The following MAP4K2 variants were observed in gnomAD, a reference collection of about 807,000 sequenced individuals.
MAP4K2 encodes mitogen-activated protein kinase kinase kinase kinase 2.
Under a neutral mutation model 125.3 loss-of-function variants are expected in MAP4K2, and 85 were observed. The observed-to-expected ratio is 0.68, with a 90% confidence interval of 0.57 to 0.81. The LOEUF (loss-of-function observed/expected upper bound fraction) is 0.81. Among genes scored for constraint, MAP4K2 ranks in the 40% least tolerant of loss-of-function variants. The pLI is 0.00. For missense variants in MAP4K2, 923 were observed against 1,056.4 expected (o/e 0.87, Z 1.75); for synonymous variants, 479 against 445.1 (o/e 1.08, Z -0.96).
chr11:64,789,337 C>G lies in MAP4K2; in HGVS notation c.*200G>C. The G allele has an allele frequency of 1.7e-6, 1 of 586,748 alleles. No individual in the cohort carries two copies. Among genetic ancestry groups the G allele is most frequent in the Middle Eastern group, 4.6e-4 (1 of 2,170 alleles). The allele number at this position is 586,748 out of a possible 1,614,324, so 36.3% of individuals were successfully genotyped here. ...GGATGGGGGAGTGACAGCAGCTCCC[C>G]CTGGTCCAGTTATTGCAGAGGCGTC... On this transcript the variant is annotated 3_prime_UTR_variant, in exon 32 of 32. Coordinates refer to ENST00000294066, the MANE Select transcript of MAP4K2 (RefSeq NM_004579.5).
intron 5 of MAP4K2, 31 bp from the exon 6 acceptor site, chr11:64,801,788 C>G (rs1266011218): frequency 6.2e-7 from 1 of 1,609,304 alleles, no homozygotes; most frequent in Non-Finnish European, 8.5e-7. Flanking sequence ...CTGAGAGCAG[C>G]CACCCAGCAC....
At chr11:64,800,087 C>T in intron 12 of MAP4K2, 22 bp downstream of exon 12, 2 of 1,563,468 alleles carry the variant, frequency 1.3e-6, no homozygotes, top group Non-Finnish European at 1.7e-6. Flanking sequence ...CCAAGACTCA[C>T]TTTCCAGCCC....
At chr11:64,792,485 G>C in intron 24 of MAP4K2, 63 bp from the exon 25 acceptor site, 1 of 1,393,308 alleles carries the variant, frequency 7.2e-7, no homozygotes, top group East Asian at 2.5e-5. Context: ...CCCCTGCAGA[G>C]CCCTATGAGG....
Position 64,803,110 on chromosome 11 carries a change from C to T in MAP4K2, c.40G>A (p.Asp14Asn), listed in dbSNP as rs1196517387. The T allele has an allele frequency of 6.3e-7, 1 of 1,591,668 alleles. No homozygotes were observed. The highest frequency in any genetic ancestry group is 1.1e-5 in the South Asian group (1 of 89,946). ...LRDVSLQDPR[D>N]RFELLQRVGA... Reference sequence around the variant, plus strand: ...ACGCGCTGCAGCAGCTCGAAGCGGTCCCGCGGGTCCTGCAGCGACACATCC... The same window carrying T: ...ACGCGCTGCAGCAGCTCGAAGCGGTTCCGCGGGTCCTGCAGCGACACATCC... Residue 14 changes from aspartate (D) to asparagine (N), a missense_variant, in exon 1 of 32, where the codon GAC (aspartate) becomes AAC (asparagine). Around this residue, in one of 2 missense-constraint regions of MAP4K2, gnomAD observed 833 missense variants for 911.4 expected, o/e 0.91. Coordinates refer to ENST00000294066, the MANE Select transcript of MAP4K2 (RefSeq NM_004579.5).
chr11:64,799,976 T>C (rs1371097145), intron 12 of MAP4K2, 133 bp downstream of exon 12: 4 of 771,358 alleles, frequency 5.2e-6, no homozygotes, highest in Admixed American at 2.3e-5. Flanking sequence ...CAGAGACTCC[T>C]AATGGGAGGG....
rs756932984 is a variant in MAP4K2, at chr11:64,799,644, G to GC, written c.954dup (p.Gln319AlafsTer28). The GC allele has an allele frequency of 4.3e-6, 7 of 1,613,970 alleles. No homozygotes were observed. Among genetic ancestry groups the GC allele is most frequent in the African/African-American group, 1.3e-5 (1 of 75,064 alleles). On this transcript the variant is annotated frameshift_variant, in exon 13 of 32. Coordinates refer to ENST00000294066, the MANE Select transcript of MAP4K2 (RefSeq NM_004579.5). LOFTEE classifies it high-confidence loss of function. ...GGGGTCCTCTCGGCTGGGCCGTGCT[G>GC]CCCCCGGGAGTGAATGGTGTCTGGA...
At position 64,789,351 on chromosome 11, in the gene MAP4K2, T is replaced by C. The variant is rs1379833177; in HGVS notation, c.*186A>G. 3 of 599,422 alleles carry C rather than the reference T, an allele frequency of 5.0e-6. No homozygotes were observed. The highest frequency in any genetic ancestry group is 3.0e-5 in the Admixed American group (1 of 33,468). The allele number at this position is 599,422 out of a possible 1,614,324, so 37.1% of individuals were successfully genotyped here. The stretch of plus-strand genomic sequence containing the variant: ...CAGCAGCTCCCCCTGGTCCAGTTAT[T>C]GCAGAGGCGTCGGGGGCTCCCCTCC... On this transcript the variant is annotated 3_prime_UTR_variant, in exon 32 of 32. Coordinates refer to ENST00000294066, the MANE Select transcript of MAP4K2 (RefSeq NM_004579.5).
rs145971059 is a variant in MAP4K2 at position 64,790,238 on chromosome 11, G to C, written c.2198C>G (p.Thr733Arg). 2.9e-5 allele frequency: 47 copies of C among 1,614,084 alleles called. No individual in the cohort carries two copies. Among genetic ancestry groups the C allele is most frequent in the Non-Finnish European group, 4.0e-5 (47 of 1,180,030 alleles). The change falls in exon 29 of 32, where the codon ACG (threonine) becomes AGG (arginine). Residue 733 changes from threonine (T) to arginine (R), a missense_variant. By Grantham distance (71) the Thr-to-Arg change is moderately conservative (BLOSUM62 -1). Transcript: ENST00000294066. Reference sequence around the variant, plus strand: ...GGTCAGCTCAGGTGCCAGTGTGGCCGTGGGCTCGCCCTGCATGTTGACAAT... The same window carrying C: ...GGTCAGCTCAGGTGCCAGTGTGGCCCTGGGCTCGCCCTGCATGTTGACAAT... The part of the protein sequence containing the change: ...VRIVNMQGEP[T>R]ATLAPELTFD...
chr11:64,800,928 G>A lies in MAP4K2; in HGVS notation c.634C>T (p.Pro212Ser). The A allele has an allele frequency of 6.2e-7, 1 of 1,614,016 alleles. No homozygotes were observed. Among genetic ancestry groups the A allele is most frequent in the Non-Finnish European group, 8.5e-7 (1 of 1,179,998 alleles). Residue 212 changes from proline to serine, a missense_variant, in exon 9 of 32, where the codon CCC becomes TCC. Around this residue, in one of 2 missense-constraint regions of MAP4K2, gnomAD observed 833 missense variants for 911.4 expected, o/e 0.91. Transcript: ENST00000294066. Reference protein sequence around the residue: ...ITAIELGELQPPLFHLHPMRA... With the variant: ...ITAIELGELQSPLFHLHPMRA... ...ATGGGGTGCAGGTGGAACAGAGGGGGCTGCAGCTCGCCCAGCTCAATGGCA... is the reference window on the plus strand; with the variant it reads ...ATGGGGTGCAGGTGGAACAGAGGGGACTGCAGCTCGCCCAGCTCAATGGCA...
Position 64,797,649 on chromosome 11 carries a change from C to T in MAP4K2, c.1113G>A (p.Ser371=), listed in dbSNP as rs780903164. The change falls in exon 16 of 32, where the codon TCG becomes TCA. Residue 371 remains serine, a synonymous_variant. Transcript: ENST00000294066. ...KEELSGSLLQ[S]VQEALEERSL... ...ACCTTTCCTCCAGGGCCTCCTGGAC[C>T]GACTGCAGCAGGCTCCTGGGCAGTG... 1.1e-5 allele frequency: 17 copies of T among 1,576,434 alleles called. No individual in the cohort carries two copies. The highest frequency in any genetic ancestry group is 6.8e-5 in the African/African-American group (5 of 74,054).
chr11:64,787,981 G>C lies in MAP4K2; in HGVS notation c.*1556C>G, dbSNP rs929399033. On this transcript the variant is annotated 3_prime_UTR_variant, in exon 32 of 32. Transcript: ENST00000294066. ...TGGAAGGTGCCCCTCACCCTCCTTG[G>C]GGCTCACGGGAACATGGGTGTGAAT... 1.3e-5 allele frequency: 2 copies of C among 152,138 alleles called. No individual in the cohort carries two copies. Among genetic ancestry groups the C allele is most frequent in the African/African-American group, 2.4e-5 (1 of 41,412 alleles). The allele number at this position is 152,138 out of a possible 1,614,324, so 9.4% of individuals were successfully genotyped here.
intron 3 of MAP4K2, 33 bp from the exon 4 acceptor site, chr11:64,802,516 A>T: frequency 6.4e-7 from 1 of 1,567,072 alleles, no homozygotes; most frequent in African/African-American, 1.3e-5. Context: ...GGCACAAAGC[A>T]GGTCACATGG....
In MAP4K2 at chr11:64,789,889, C is replaced by T; in HGVS notation, c.2319G>A (p.Glu773=). 6.2e-7 allele frequency: 1 copy of T among 1,614,004 alleles called. No homozygotes were observed. The highest frequency in any genetic ancestry group is 1.3e-5 in the African/African-American group (1 of 75,034). Residue 773 remains glutamate (E), a splice_region_variant and synonymous_variant, in exon 30 of 32, where the codon GAG becomes GAA. Transcript: ENST00000294066. The part of the protein sequence containing the change: ...GMQGRSLDTN[E]VTQEITDETR... Reference sequence around the variant, plus strand: ...AGCAAGGTCCCTGGGCCCCACTCACCTCATTGGTATCCAGGCTTCGGCCTT... The same window carrying T: ...AGCAAGGTCCCTGGGCCCCACTCACTTCATTGGTATCCAGGCTTCGGCCTT...
intron 7 of MAP4K2, 129 bp downstream of exon 7, chr11:64,801,450 T>C (rs1941159449): frequency 4.5e-6 from 5 of 1,109,626 alleles, no homozygotes; most frequent in South Asian, 2.9e-5. Flanking sequence ...TACCGTTCCA[T>C]CTTCTAAGCA....
In MAP4K2 at chr11:64,800,881, G is replaced by C. The variant is rs771531075; in HGVS notation, c.662+19C>G. ...GGCCGCAGATCAAGGGTCAGGTGAG[G>C]GGCAAGTGTTGGGCTGACCTCATGG... On this transcript the variant is annotated intron_variant, in intron 9 of 31. Coordinates refer to ENST00000294066, the MANE Select transcript of MAP4K2 (RefSeq NM_004579.5). 2 of 1,613,984 alleles carry C rather than the reference G, an allele frequency of 1.2e-6. No homozygotes were observed. The highest frequency in any genetic ancestry group is 2.2e-5 in the East Asian group (1 of 44,878).
chr11:64,792,841 G>A (rs990845965), intron 24 of MAP4K2, among the ~76,000 whole-genome samples: 2 of 152,174 alleles, frequency 1.3e-5, no homozygotes, highest in Admixed American at 6.5e-5. Flanking sequence ...CTCACAGAGG[G>A]CCAGCTCCTA....
rs1036967156 is a variant in MAP4K2, at chr11:64,787,625, C to T, written c.*1912G>A. On this transcript the variant is annotated 3_prime_UTR_variant, in exon 32 of 32. Coordinates refer to ENST00000294066, the MANE Select transcript of MAP4K2 (RefSeq NM_004579.5). Reference sequence around the variant, plus strand: ...AGTGCATATTCCCTGGTTTCTCGGCCTTTCTTTGCTCTTGGCCTGCCTTTG... The same window carrying T: ...AGTGCATATTCCCTGGTTTCTCGGCTTTTCTTTGCTCTTGGCCTGCCTTTG... 6.6e-6 allele frequency: 1 copy of T among 152,154 alleles called. No individual in the cohort carries two copies. Among genetic ancestry groups the T allele is most frequent in the Non-Finnish European group, 1.5e-5 (1 of 68,036 alleles). The allele number at this position is 152,154 out of a possible 1,614,324, so 9.4% of individuals were successfully genotyped here.
chr11:64,796,593 C>G (rs575125674), intron 22 of MAP4K2, 40 bp from the exon 23 acceptor site: 2 of 1,613,982 alleles, frequency 1.2e-6, no homozygotes, highest in South Asian at 2.2e-5. Flanking sequence ...CACCCCAGGC[C>G]CCCACAAGGC....
rs1016480212 is a variant in MAP4K2, at chr11:64,788,454, T to C, written c.*1083A>G. The stretch of plus-strand genomic sequence containing the variant: ...CCCTGGGGGCCCTGGCATTCAGAGC[T>C]GAGCAGACAGACCCTTGGAGAATGA... On this transcript the variant is annotated 3_prime_UTR_variant, in exon 32 of 32. Coordinates refer to ENST00000294066, the MANE Select transcript of MAP4K2 (RefSeq NM_004579.5). 6.6e-6 allele frequency: 1 copy of C among 152,214 alleles called. No homozygotes were observed. Among genetic ancestry groups the C allele is most frequent in the Non-Finnish European group, 1.5e-5 (1 of 68,100 alleles). The allele number at this position is 152,214 out of a possible 1,614,324, so 9.4% of individuals were successfully genotyped here.
Sources: gnomAD v4.1 joint callset for allele counts (sites outside exome capture counted in the v4.1 genomes callset) on GRCh38, gnomAD v4.1.1 for gene constraint, gnomAD v4.1.1 regional missense constraint, MANE v1.5 for transcripts, NCBI Gene and HGNC (gene_info 2026-07-23, HGNC 2026-07-21) for gene names.